HDAC9: variants seen among roughly 807,000 people sequenced by gnomAD.
The protein encoded by HDAC9 is histone deacetylase 9.
In HDAC9, 41 loss-of-function variants were observed where a neutral mutation model predicts 139.4. That is an observed-to-expected ratio of 0.29 (90% CI 0.23 to 0.38). The LOEUF (loss-of-function observed/expected upper bound fraction) is 0.38, where lower values mean the gene tolerates loss of function less well. HDAC9 is among the 10% of genes least tolerant of loss of function. The pLI is 1.00. For synonymous variants in HDAC9, 517 were observed against 476.2 expected (o/e 1.09, Z -1.12); for missense variants, 1,147 against 1,297.0 (o/e 0.88, Z 1.78).
intron 6 of HDAC9, among the ~76,000 whole-genome samples, chr7:18,611,907 C>G (rs1481276031): frequency 6.6e-6 from 1 of 152,074 alleles, no homozygotes; most frequent in African/African-American, 2.4e-5. Context: ...TGTTTTCTTT[C>G]TGCATCGAAA....
intron 6 of HDAC9, among the ~76,000 whole-genome samples, chr7:18,622,871 C>T (rs1840609244): frequency 6.6e-6 from 1 of 151,738 alleles, no homozygotes; most frequent in African/African-American, 2.4e-5. Flanking sequence ...AGGCCGGGTA[C>T]AGTGGCTCAC....
intron 2 of HDAC9, among the ~76,000 whole-genome samples, chr7:18,268,962 A>G (rs887854673): frequency 2.6e-5 from 4 of 152,218 alleles, no homozygotes; most frequent in Admixed American, 1.3e-4. Flanking sequence ...AGACTAAAGT[A>G]ATGGTACAAT....
At chr7:18,581,426 A>G (rs1199277706) in intron 2 of HDAC9, among the ~76,000 whole-genome samples, 3 of 152,196 alleles carry the variant, frequency 2.0e-5, no homozygotes, top group African/African-American at 7.2e-5. Flanking sequence ...TAGCAGGTTA[A>G]GAAGTCAAAT....
intron 17 of HDAC9, among the ~76,000 whole-genome samples, chr7:18,795,283 A>G (rs1792697630): frequency 8.3e-6 from 1 of 120,032 alleles, no homozygotes. Flanking sequence ...AAAAAAAAAA[A>G]AAGAAAAGCC....
chr7:18,286,145 C>G (rs1206394425), upstream of HDAC9, among the ~76,000 whole-genome samples: 2 of 151,954 alleles, frequency 1.3e-5, no homozygotes, highest in South Asian at 2.1e-4. Context: ...AACTTGAACA[C>G]ATATTTAAGA....
chr7:18,221,792 T>C (rs1792725529), intron 2 of HDAC9, among the ~76,000 whole-genome samples: 1 of 152,182 alleles, frequency 6.6e-6, no homozygotes, highest in African/African-American at 2.4e-5. Context: ...CTGAGGGATA[T>C]AATATCTAGT....
intron 1 of HDAC9, among the ~76,000 whole-genome samples, chr7:18,359,303 G>A (rs1298162088): frequency 2.0e-5 from 3 of 152,040 alleles, no homozygotes; most frequent in East Asian, 1.9e-4. Context: ...AGCCAATATC[G>A]CACCATTGCA....
chr7:18,787,094 TCTC>T (rs1791890406), intron 16 of HDAC9, among the ~76,000 whole-genome samples: 2 of 152,158 alleles, frequency 1.3e-5, no homozygotes, highest in African/African-American at 4.8e-5. Flanking sequence ...TTACTTATAA[TCTC>T]CTGTGTTTCT....
At chr7:18,410,745 T>A (rs1254500639) in intron 1 of HDAC9, among the ~76,000 whole-genome samples, 1 of 152,192 alleles carries the variant, frequency 6.6e-6, no homozygotes, top group East Asian at 1.9e-4. Context: ...TCAACTCTTT[T>A]GACCCAGTGA....
At chr7:18,302,448 C>T (rs1021012135) in intron 1 of HDAC9, among the ~76,000 whole-genome samples, 1 of 152,164 alleles carries the variant, frequency 6.6e-6, no homozygotes, top group Admixed American at 6.5e-5. Context: ...GGGCGTTAGT[C>T]TTGGAGCCAG....
chr7:18,935,963 A>C lies in HDAC9; in HGVS notation c.2937+21A>C, dbSNP rs368454448. Reference sequence around the variant, plus strand: ...ATGAGGTAAAAAAGTAAAAGTACAAAGGGGCAGGGGTAAAGAATCAGGGAT... The same window carrying C: ...ATGAGGTAAAAAAGTAAAAGTACAACGGGGCAGGGGTAAAGAATCAGGGAT... On this transcript the variant is annotated intron_variant, in intron 23 of 25. Transcript: ENST00000686413. 4 of 1,605,276 alleles carry C rather than the reference A, an allele frequency of 2.5e-6. No homozygotes were observed. In the African/African-American group the frequency reaches 4.0e-5, roughly 16 times the overall value.
chr7:18,379,921 C>T (rs889662905), intron 1 of HDAC9, among the ~76,000 whole-genome samples: 3 of 152,158 alleles, frequency 2.0e-5, no homozygotes, highest in Non-Finnish European at 2.9e-5. Context: ...TTGGGTCTTG[C>T]AGCTGGCTCT....
At chr7:18,113,616 C>G (rs962168596) in intron 1 of HDAC9, among the ~76,000 whole-genome samples, 3 of 152,198 alleles carry the variant, frequency 2.0e-5, no homozygotes, top group African/African-American at 4.8e-5. Flanking sequence ...CTTTCTTCAG[C>G]ATTATAATTT....
At chr7:18,244,353 A>G (rs1794379235) in intron 2 of HDAC9, among the ~76,000 whole-genome samples, 1 of 152,252 alleles carries the variant, frequency 6.6e-6, no homozygotes, top group Non-Finnish European at 1.5e-5. Context: ...GTATTAAACT[A>G]CTGCAAAATG....
chr7:18,157,463 T>C (rs1787295249), intron 1 of HDAC9, among the ~76,000 whole-genome samples: 1 of 152,164 alleles, frequency 6.6e-6, no homozygotes, highest in Non-Finnish European at 1.5e-5. Context: ...CATTCATTTA[T>C]TTATACATTC....
chr7:18,360,167 C>T (rs1449900819), intron 1 of HDAC9, among the ~76,000 whole-genome samples: 1 of 152,148 alleles, frequency 6.6e-6, no homozygotes, highest in African/African-American at 2.4e-5. Flanking sequence ...GATTAATCTC[C>T]AGTCCTAACC....
At chr7:18,680,420 C>T (rs778396108) in intron 12 of HDAC9, among the ~76,000 whole-genome samples, 12 of 151,948 alleles carry the variant, frequency 7.9e-5, no homozygotes, top group Non-Finnish European at 1.5e-4. Context: ...GTTCTTAAAG[C>T]AATCAGAATA....
chr7:18,733,336 T>G lies in HDAC9; in HGVS notation c.1909+5579T>G, dbSNP rs945146976. Among the ~76,000 whole-genome samples the G allele has an allele frequency of 7.3e-5, 11 of 150,454 alleles. No individual in the cohort carries two copies. In the East Asian group the frequency reaches 2.1e-3, roughly 29 times the overall value. On this transcript the variant is annotated intron_variant, in intron 13 of 25. Coordinates refer to ENST00000686413, the MANE Select transcript of HDAC9 (RefSeq NM_178425.4). ...GTATATATACACATGTATATATGTG[T>G]ATGTGTGTGTGTATGTATGCCTGTG...
chr7:18,792,273 A>ATTTT (rs1286997614), intron 16 of HDAC9, among the ~76,000 whole-genome samples: 44 of 151,138 alleles, frequency 2.9e-4, no homozygotes, highest in African/African-American at 1.0e-3. Flanking sequence ...TTTTTAAAAA[A>ATTTT]AAAAAAAAAA....
Sources: gnomAD v4.1 joint callset for allele counts (sites outside exome capture counted in the v4.1 genomes callset) on GRCh38, gnomAD v4.1.1 for gene constraint, MANE v1.5 for transcripts, NCBI Gene and HGNC (gene_info 2026-07-23, HGNC 2026-07-21) for gene names.